Variants in RNF212 observed in about 807,000 individuals in gnomAD.
RNF212 encodes the protein probable E3 SUMO-protein ligase RNF212.
Under a neutral mutation model 34.7 loss-of-function variants are expected in RNF212, and 33 were observed. That is an observed-to-expected ratio of 0.95 (90% confidence interval 0.72 to 1.27). RNF212 has a LOEUF of 1.27. Ranked by LOEUF, RNF212 falls within the 50% of genes most tolerant of loss-of-function variation. The pLI, the probability that RNF212 is intolerant of heterozygous loss-of-function variation, is 0.00. For missense variants in RNF212, 377 were observed against 362.2 expected (o/e 1.04, Z -0.33); for synonymous variants, 140 against 136.1 (o/e 1.03, Z -0.20).
intron 2 of RNF212, 85 bp downstream of exon 2, chr4:1,108,258 A>T: frequency 2.3e-6 from 2 of 857,982 alleles, no homozygotes; most frequent in Non-Finnish European, 3.6e-6. Context: ...AATTTTAGAC[A>T]CCACAAATGA....
Position 1,075,688 on chromosome 4 carries a change from G to A in RNF212, c.511-2026C>T, listed in dbSNP as rs571156336. Among the ~76,000 whole-genome samples, 46 of 152,300 alleles carry A rather than the reference G, an allele frequency of 3.0e-4. 2 individuals carry two copies. In the South Asian group the frequency reaches 9.3e-3, roughly 31 times the overall value. ...TTCCCTCATTAACTCATAACCTTTT[G>A]TTTTTGAGACAAGGTTTCACTGTCG... On this transcript the variant is annotated intron_variant, in intron 8 of 9. Coordinates refer to ENST00000433731, the MANE Select transcript of RNF212 (RefSeq NM_001131034.4).
intron 3 of RNF212, among the ~76,000 whole-genome samples, chr4:1,093,046 T>A (rs1277862421): frequency 3.8e-5 from 4 of 104,768 alleles, no homozygotes; most frequent in Non-Finnish European, 9.2e-5. Context: ...GCTGGGTGGA[T>A]GGAACGGATC....
chr4:1,080,679 G>A (rs942353533), intron 7 of RNF212, among the ~76,000 whole-genome samples: 10 of 150,670 alleles, frequency 6.6e-5, no homozygotes, highest in Admixed American at 1.3e-4. Context: ...GCTGGCCCAC[G>A]AGACCCCTCT....
chr4:1,087,154 A>AC (rs1234337456), intron 4 of RNF212, among the ~76,000 whole-genome samples: 1 of 84 alleles, frequency 0.012, no homozygotes, highest in African/African-American at 0.083. Context: ...GGGTGAGAGG[A>AC]TGGGTGGGGG....
chr4:1,068,397 TC>T (rs1472860404), downstream of RNF212, among the ~76,000 whole-genome samples: 5 of 152,282 alleles, frequency 3.3e-5, no homozygotes, highest in East Asian at 9.6e-4. Context: ...CATGTAAAAA[TC>T]CCTCTTGATT....
chr4:1,093,346 CAATA>C (rs1722491661), intron 3 of RNF212: 1 of 1,098,878 alleles, frequency 9.1e-7, no homozygotes, highest in Non-Finnish European at 1.2e-6. Context: ...TTAAAAATAA[CAATA>C]AATCCATGAT....
chr4:1,100,325 C>G (rs2153059283), intron 2 of RNF212: 1 of 214,610 alleles, frequency 4.7e-6, no homozygotes, highest in South Asian at 7.4e-5. Flanking sequence ...GACACATGGT[C>G]CTTTTCACAC....
intron 3 of RNF212, among the ~76,000 whole-genome samples, chr4:1,058,718 C>T (rs1577598606): frequency 1.3e-5 from 2 of 152,330 alleles, no homozygotes. Flanking sequence ...GATAGCAAGA[C>T]CTGGAAACGA....
In RNF212 at chr4:1,073,451, T is replaced by A. The variant is rs75398934; in HGVS notation, c.574+148A>T. On this transcript the variant is annotated intron_variant, in intron 9 of 9. Transcript: ENST00000433731. ...GGAAGGACTCAAAAGCTGCACCATT[T>A]TGGTGAATATGTAGCCTCCCATGCA... The A allele has an allele frequency of 4.0e-3, 2,911 of 732,236 alleles. 110 individuals are homozygous for A. In the East Asian group the frequency reaches 0.069, roughly 17 times the overall value. The allele number at this position is 732,236 out of a possible 1,614,324, so 45.4% of individuals were successfully genotyped here.
chr4:1,086,552 G>A (rs923454304), intron 4 of RNF212, among the ~76,000 whole-genome samples: 2 of 114,942 alleles, frequency 1.7e-5, no homozygotes, highest in African/African-American at 7.2e-5. Context: ...TGATGGGGCT[G>A]TGGTGGCCTA....
chr4:1,071,197 G>A (rs1256091398), downstream of RNF212, among the ~76,000 whole-genome samples: 1 of 146,192 alleles, frequency 6.8e-6, no homozygotes, highest in Non-Finnish European at 1.5e-5. Context: ...AAACTAAGTT[G>A]GTTTTTTAAA....
chr4:1,104,952 A>G (rs1724583380), intron 2 of RNF212, among the ~76,000 whole-genome samples: 1 of 152,090 alleles, frequency 6.6e-6, no homozygotes, highest in Admixed American at 6.5e-5. Flanking sequence ...CTCCTCCCCC[A>G]GGGAGAGCCT....
chr4:1,076,899 G>C (rs1330897269), intron 8 of RNF212, among the ~76,000 whole-genome samples: 1 of 152,184 alleles, frequency 6.6e-6, no homozygotes, highest in Admixed American at 6.5e-5. Context: ...TTGAGTAGCT[G>C]TGGACTGTCT....
chr4:1,063,339 A>AAAAAT (rs1717872342), intron 3 of RNF212, among the ~76,000 whole-genome samples: 1 of 152,256 alleles, frequency 6.6e-6, no homozygotes, highest in African/African-American at 2.4e-5. Context: ...AGACAAAAAG[A>AAAAAT]AAAATACTTA....
At chr4:1,085,829 C>A in intron 5 of RNF212, 67 bp downstream of exon 5, 1 of 1,048,100 alleles carries the variant, frequency 9.5e-7, no homozygotes, top group Non-Finnish European at 1.5e-6. Flanking sequence ...TCTTGGAGAG[C>A]CAGACGACCA....
In RNF212 at chr4:1,066,411, C is replaced by T. The variant is rs376000736; in HGVS notation, n.147+7188G>A. ...TGGCACAATCTCGACTTACTGCAAC[C>T]TTTGCCCCCCAGGCTCAAGCAATTC... On this transcript the variant is annotated intron_variant and non_coding_transcript_variant, in intron 3 of 4. Transcript: ENST00000503206. 4.5e-4 allele frequency among the ~76,000 whole-genome samples: 68 copies of T among 152,292 alleles called. 1 individual carries two copies. In the South Asian group the frequency reaches 0.011, roughly 25 times the overall value.
intron 3 of RNF212, among the ~76,000 whole-genome samples, chr4:1,063,867 C>T (rs1165660912): frequency 6.8e-6 from 1 of 147,256 alleles, no homozygotes; most frequent in Non-Finnish European, 1.5e-5. Context: ...GAGACCCAGT[C>T]TCAAAAAAAA....
At chr4:1,106,713 C>T (rs868593620) in intron 2 of RNF212, among the ~76,000 whole-genome samples, 6 of 152,192 alleles carry the variant, frequency 3.9e-5, no homozygotes, top group Admixed American at 2.0e-4. Flanking sequence ...CCAGCCCGAC[C>T]GTGTACAGGG....
At chr4:1,089,705 G>C (rs1721880923) in intron 4 of RNF212, among the ~76,000 whole-genome samples, 1 of 144,332 alleles carries the variant, frequency 6.9e-6, no homozygotes, top group Non-Finnish European at 1.5e-5. Flanking sequence ...GAAGTGATTG[G>C]ATCATGGGGG....
Sources: gnomAD v4.1 joint callset for allele counts (sites outside exome capture counted in the v4.1 genomes callset) on GRCh38, gnomAD v4.1.1 for gene constraint, MANE v1.5 for transcripts, NCBI Gene and HGNC (gene_info 2026-07-23, HGNC 2026-07-21) for gene names.